Variants in MROH7 observed in about 807,000 individuals in gnomAD.
The protein encoded by MROH7 is maestro heat-like repeat-containing protein family member 7.
A neutral mutation model predicts 129.2 loss-of-function variants in MROH7; 113 were observed. That is an observed-to-expected ratio of 0.87 (90% CI 0.75 to 1.02). MROH7 has a LOEUF of 1.02. Ranked by LOEUF, MROH7 falls within the 50% of genes least tolerant of loss-of-function variation. The pLI is 0.00. For synonymous variants in MROH7, 655 were observed against 667.9 expected, an observed-to-expected ratio of 0.98 and a Z score of 0.30; for missense variants, 1,601 against 1,671.3, an observed-to-expected ratio of 0.96 and a Z score of 0.73.
At chr1:54,699,173 T>TCTGTCTG (rs1557727343) in intron 17 of MROH7, 13 of 120,192 alleles carry the variant, frequency 1.1e-4, no homozygotes, top group African/African-American at 3.9e-4. Flanking sequence ...CTTTCTTTCT[T>TCTGTCTG]TCTTTCTTTC....
At chr1:54,660,382 G>A (rs932285861) in intron 3 of MROH7, among the ~76,000 whole-genome samples, 2 of 152,168 alleles carry the variant, frequency 1.3e-5, no homozygotes, top group Admixed American at 6.5e-5. Context: ...TTGTATTGGA[G>A]ATTAAGTTCA....
rs752160299 is a variant in MROH7 at position 54,701,340 on chromosome 1, C to A, written c.3285+18C>A. 6.4e-7 allele frequency: 1 copy of A among 1,568,252 alleles called. No individual in the cohort carries two copies. The highest frequency in any genetic ancestry group is 8.7e-7 in the Non-Finnish European group (1 of 1,154,122). On this transcript the variant is annotated intron_variant, in intron 19 of 23. Coordinates refer to ENST00000421030, the MANE Select transcript of MROH7 (RefSeq NM_001039464.4). ...TCAGCGACGTGAGGACCTCACAGAG[C>A]GAAGGAGCAGGAGGGATCGAGAAGG...
At chr1:54,669,000 C>A in intron 5 of MROH7, 63 bp downstream of exon 5, 2 of 1,269,130 alleles carry the variant, frequency 1.6e-6, no homozygotes, top group Non-Finnish European at 2.3e-6. Flanking sequence ...CCTGAGTCCA[C>A]CCACTGATGA....
chr1:54,708,632 G>T (rs3815228), intron 22 of MROH7, among the ~76,000 whole-genome samples: 3 of 151,944 alleles, frequency 2.0e-5, no homozygotes, highest in Non-Finnish European at 2.9e-5. Flanking sequence ...TTGCCTGACA[G>T]GTATGCAAGG....
chr1:54,663,989 G>A (rs1644774590), intron 3 of MROH7: 1 of 321,858 alleles, frequency 3.1e-6, no homozygotes, highest in Admixed American at 4.5e-5. Flanking sequence ...CTCAGAAGGA[G>A]AAAGATCCTC....
chr1:54,661,277 A>ATC (rs1246512469), intron 3 of MROH7, among the ~76,000 whole-genome samples: 1 of 152,164 alleles, frequency 6.6e-6, no homozygotes, highest in African/African-American at 2.4e-5. Flanking sequence ...CAGTGGCACA[A>ATC]TCATAGCTCA....
In MROH7 at chr1:54,686,393, G is replaced by A. The variant is rs1330756620; in HGVS notation, c.2656G>A (p.Ala886Thr). ...HIGLNLPGCV[A>T]PPKDTKKGAQ... is the part of the protein sequence containing the mutation. Reference sequence around the variant, plus strand: ...CGGCCTCAACCTGCCTGGCTGCGTGGCTCCTCCCAAGGACACCAAGAAGGG... The same window carrying A: ...CGGCCTCAACCTGCCTGGCTGCGTGACTCCTCCCAAGGACACCAAGAAGGG... Residue 886 changes from alanine to threonine, a missense_variant, in exon 15 of 24, where the codon GCT becomes ACT. Physicochemically the swap from Ala to Thr is moderately conservative, Grantham distance 58 (BLOSUM62 0). Transcript: ENST00000421030. 6.2e-7 allele frequency: 1 copy of A among 1,613,990 alleles called. No homozygotes were observed. Among genetic ancestry groups the A allele is most frequent in the African/African-American group, 1.3e-5 (1 of 74,902 alleles).
chr1:54,663,247 T>C (rs965296713), intron 3 of MROH7, among the ~76,000 whole-genome samples: 18 of 152,216 alleles, frequency 1.2e-4, no homozygotes, highest in Admixed American at 1.1e-3. Context: ...GTTTATTCAA[T>C]GGGCTATAAT....
At chr1:54,701,767 T>C (rs764849951) in intron 19 of MROH7, among the ~76,000 whole-genome samples, 1 of 152,040 alleles carries the variant, frequency 6.6e-6, no homozygotes, top group Non-Finnish European at 1.5e-5. Flanking sequence ...GGGGTTTCCC[T>C]ATGTTGCCCA....
rs1645089149 is a variant in MROH7 at position 54,682,703 on chromosome 1, G to A, written c.2429G>A (p.Cys810Tyr). The change falls in exon 14 of 24, where the codon TGT becomes TAT. Residue 810 changes from cysteine (C) to tyrosine (Y), a missense_variant. Physicochemically the swap from Cys to Tyr is radical, Grantham distance 194. Transcript: ENST00000421030. Reference protein sequence around the residue: ...WRQLILCKPSCDVRDLLDLLL... With the variant: ...WRQLILCKPSYDVRDLLDLLL... ...CAGCTGATACTGTGTAAGCCCAGCTGTGATGTCCGAGACCTCCTGGATCTG... is the reference window on the plus strand; with the variant it reads ...CAGCTGATACTGTGTAAGCCCAGCTATGATGTCCGAGACCTCCTGGATCTG... 1 of 1,614,182 alleles carries A rather than the reference G, an allele frequency of 6.2e-7. No homozygotes were observed. The highest frequency in any genetic ancestry group is 1.1e-5 in the South Asian group (1 of 91,082).
chr1:54,652,674 G>A (rs1283998962), intron 2 of MROH7, among the ~76,000 whole-genome samples, 179 bp from the exon 3 acceptor site: 1 of 152,196 alleles, frequency 6.6e-6, no homozygotes, highest in Admixed American at 6.5e-5. Context: ...TGTGGTCAAA[G>A]AACAGAACTG....
At chr1:54,648,882 G>T (rs113381057) in intron 1 of MROH7, among the ~76,000 whole-genome samples, 1 of 152,210 alleles carries the variant, frequency 6.6e-6, no homozygotes, top group African/African-American at 2.4e-5. Flanking sequence ...GCCAAAATTG[G>T]GTGCAGCAAG....
In MROH7 at chr1:54,691,803, A is replaced by AGTGTGTGT. The variant is rs373106798; in HGVS notation, c.2712-594_2712-587dup. Among the ~76,000 whole-genome samples, 511 of 104,176 alleles carry AGTGTGTGT rather than the reference A, an allele frequency of 4.9e-3. 9 individuals are homozygous for AGTGTGTGT. Among genetic ancestry groups the AGTGTGTGT allele is most frequent in the Middle Eastern group, 0.015 (2 of 130 alleles). The allele number at this position is 104,176 out of a possible 152,430, so 68.3% of individuals were successfully genotyped here. ...CCTGGCGACAAAAAAAAAAAAAAAA[A>AGTGTGTGT]GTGTGTGTGTGTGTGTGTGTGTGTG... is the stretch of plus-strand genomic sequence containing the variant. On this transcript the variant is annotated intron_variant, in intron 15 of 23. Transcript: ENST00000421030.
In MROH7 at chr1:54,670,832, G is replaced by A. The variant is rs532777653; in HGVS notation, c.1502G>A (p.Arg501Lys). Reference sequence around the variant, plus strand: ...CAGCCCACCCTGGGCATGCGGGAGAGGTCGGAGCTGGTGAACGTGTGTGTG... The same window carrying A: ...CAGCCCACCCTGGGCATGCGGGAGAAGTCGGAGCTGGTGAACGTGTGTGTG... The part of the protein sequence containing the change: ...HTQPTLGMRE[R>K]SELVNVCVHS... The change falls in exon 7 of 24, where the codon AGG (arginine) becomes AAG (lysine). Residue 501 changes from arginine (R) to lysine (K), a missense_variant. Arg to Lys is a conservative substitution (Grantham distance 26). Coordinates refer to ENST00000421030, the MANE Select transcript of MROH7 (RefSeq NM_001039464.4). The A allele has an allele frequency of 1.9e-5, 30 of 1,614,064 alleles. No homozygotes were observed. In the African/African-American group the frequency reaches 2.8e-4, roughly 15 times the overall value.
Position 54,673,956 on chromosome 1 carries a change from T to A in MROH7, c.1801-60T>A, listed in dbSNP as rs775758260. On this transcript the variant is annotated intron_variant, in intron 9 of 23. Transcript: ENST00000421030. ...CCAGACTATCCACCGGTGTTCACCATTTAATGTATAGCATTATTGAACCTA... is the reference window on the plus strand; with the variant it reads ...CCAGACTATCCACCGGTGTTCACCAATTAATGTATAGCATTATTGAACCTA... 3.1e-6 allele frequency: 5 copies of A among 1,589,822 alleles called. No individual in the cohort carries two copies. The East Asian group carries it at 8.9e-5, about 28-fold the overall frequency.
rs758808395 is a variant in MROH7, at chr1:54,692,494, G to A, written c.2782G>A (p.Asp928Asn). 3.1e-6 allele frequency: 5 copies of A among 1,614,048 alleles called. No individual in the cohort carries two copies. The Admixed American group carries it at 8.3e-5, about 27-fold the overall frequency. Residue 928 changes from aspartate to asparagine, a missense_variant, in exon 16 of 24, where the codon GAC becomes AAC. Physicochemically the swap from Asp to Asn is conservative, Grantham distance 23. Coordinates refer to ENST00000421030, the MANE Select transcript of MROH7 (RefSeq NM_001039464.4). The part of the protein sequence containing the change: ...GCSYETTFLE[D>N]QGGWELMEQV... ...CTCTTATGAGACCACGTTTCTGGAG[G>A]ACCAGGGTGGCTGGGAGCTCATGGA...
At chr1:54,694,755 G>A (rs960509062) in intron 16 of MROH7, among the ~76,000 whole-genome samples, 1 of 152,132 alleles carries the variant, frequency 6.6e-6, no homozygotes, top group Non-Finnish European at 1.5e-5. Flanking sequence ...GAGCCACCGC[G>A]CCTGGCTTGG....
chr1:54,702,089 G>C lies in MROH7; in HGVS notation c.3286-1G>C, dbSNP rs759130960. ...CCCTCTGAGCCTTTGGTCTTCCCCAGGCACGAGAGGTCGTGCGCTCCTCCT... is the reference window on the plus strand; with the variant it reads ...CCCTCTGAGCCTTTGGTCTTCCCCACGCACGAGAGGTCGTGCGCTCCTCCT... On this transcript the variant is annotated splice_acceptor_variant, in intron 19 of 23. Coordinates refer to ENST00000421030, the MANE Select transcript of MROH7 (RefSeq NM_001039464.4). LOFTEE classifies it high-confidence loss of function. The C allele has an allele frequency of 4.0e-5, 64 of 1,589,860 alleles. No homozygotes were observed. Among genetic ancestry groups the C allele is most frequent in the Admixed American group, 1.9e-4 (11 of 57,762 alleles).
At chr1:54,686,886 C>T (rs1273376749) in intron 15 of MROH7, among the ~76,000 whole-genome samples, 3 of 152,084 alleles carry the variant, frequency 2.0e-5, no homozygotes, top group Non-Finnish European at 1.5e-5. Context: ...CAAAGACAAC[C>T]AAGTTCTTCA....
Sources: allele counts gnomAD v4.1 joint callset (sites outside exome capture counted in the v4.1 genomes callset), GRCh38; gene constraint gnomAD v4.1.1; transcripts MANE v1.5; gene names NCBI Gene and HGNC (gene_info 2026-07-23, HGNC 2026-07-21).